OSMR: variants seen among roughly 807,000 people sequenced by gnomAD.
OSMR encodes the protein oncostatin-M-specific receptor subunit beta.
Under a neutral mutation model 99.9 loss-of-function variants are expected in OSMR, and 81 were observed. The ratio of observed to expected loss-of-function variants is 0.81; its 90% CI spans 0.68 to 0.97. OSMR has a LOEUF of 0.97. Among genes scored for constraint, OSMR ranks in the 50% least tolerant of loss-of-function variants. The pLI is 0.00. For synonymous variants in OSMR, 406 were observed against 410.4 expected (o/e 0.99, Z 0.13); for missense variants, 1,099 against 1,153.4 (o/e 0.95, Z 0.68).
chr5:38,853,876 C>A (rs1028631321), intron 1 of OSMR, among the ~76,000 whole-genome samples: 7 of 152,020 alleles, frequency 4.6e-5, no homozygotes, highest in Admixed American at 4.6e-4. Context: ...GTGTGGGGGA[C>A]GGACATGAAA....
intron 2 of OSMR, chr5:38,875,919 T>G (rs928881185): frequency 5.9e-5 from 9 of 152,810 alleles, no homozygotes; most frequent in African/African-American, 1.4e-4. Context: ...CCGGTTAGAT[T>G]GTCCAATAAA....
At chr5:38,885,539 T>A in intron 6 of OSMR, 55 bp downstream of exon 6, 3 of 1,606,116 alleles carry the variant, frequency 1.9e-6, no homozygotes, top group Non-Finnish European at 2.6e-6. Context: ...GAGGTGCTTG[T>A]GACAACATGG....
At chr5:38,940,430 C>G (rs924281651), downstream of OSMR, 19 of 232,546 alleles carry the variant, frequency 8.2e-5, no homozygotes, top group Non-Finnish European at 1.4e-4. Context: ...TCTAGTAACT[C>G]TGACATTTGG....
intron 1 of OSMR, among the ~76,000 whole-genome samples, chr5:38,857,458 C>T (rs199971112): frequency 2.6e-5 from 4 of 151,842 alleles, no homozygotes; most frequent in East Asian, 1.9e-4. Flanking sequence ...AGTTTTCCCC[C>T]GGCTTTAATA....
chr5:38,882,258 C>T (rs1179652590), intron 4 of OSMR, among the ~76,000 whole-genome samples: 1 of 152,122 alleles, frequency 6.6e-6, no homozygotes, highest in East Asian at 1.9e-4. Context: ...ACCAATGAGA[C>T]AGCTTTGTTG....
intron 3 of OSMR, among the ~76,000 whole-genome samples, chr5:38,881,155 A>C (rs1447375151): frequency 1.3e-5 from 2 of 152,210 alleles, no homozygotes; most frequent in Non-Finnish European, 2.9e-5. Context: ...TCCTAATCCA[A>C]ACCTTGCTAA....
In OSMR at chr5:38,917,625, A is replaced by T; in HGVS notation, c.1362+3A>T. ...ATACTGTGACCTTATTCTGGAAGGTAAGATGTGCAGATTCCAAAAGTCTGA... is the reference window on the plus strand; with the variant it reads ...ATACTGTGACCTTATTCTGGAAGGTTAGATGTGCAGATTCCAAAAGTCTGA... On this transcript the variant is annotated splice_donor_region_variant and intron_variant, in intron 10 of 17. Coordinates refer to ENST00000274276, the MANE Select transcript of OSMR (RefSeq NM_003999.3). 6.2e-7 allele frequency: 1 copy of T among 1,607,756 alleles called. No homozygotes were observed. Among genetic ancestry groups the T allele is most frequent in the South Asian group, 1.1e-5 (1 of 90,970 alleles).
At chr5:38,931,829 T>C in intron 15 of OSMR, 54 bp from the exon 16 acceptor site, 3 of 1,585,194 alleles carry the variant, frequency 1.9e-6, no homozygotes, top group Non-Finnish European at 2.6e-6. Flanking sequence ...ATTTATTCCT[T>C]TGAGGAAGGG....
intron 9 of OSMR, among the ~76,000 whole-genome samples, chr5:38,915,764 A>G (rs1232487397): frequency 6.6e-6 from 1 of 152,230 alleles, no homozygotes; most frequent in Non-Finnish European, 1.5e-5. Context: ...GAGACATGCT[A>G]TAGTTGTATT....
downstream of OSMR, chr5:38,945,130 T>C (rs558437549): frequency 1.9e-5 from 21 of 1,132,716 alleles, no homozygotes; most frequent in Middle Eastern, 2.0e-4. Flanking sequence ...TGTGCTTACA[T>C]TGCATGCTAA....
intron 7 of OSMR, among the ~76,000 whole-genome samples, chr5:38,898,404 T>G (rs1449517612): frequency 6.6e-6 from 1 of 152,240 alleles, no homozygotes; most frequent in Non-Finnish European, 1.5e-5. Context: ...TTGTCTGGCA[T>G]AAGTAAAGCT....
chr5:38,942,836 T>C, intron 1 of OSMR: 1 of 1,604,148 alleles, frequency 6.2e-7, no homozygotes, highest in Non-Finnish European at 8.5e-7. Context: ...TACTTACTTG[T>C]AGAAACTGTA....
chr5:38,887,587 T>C (rs1241980888), intron 7 of OSMR, among the ~76,000 whole-genome samples: 1 of 152,216 alleles, frequency 6.6e-6, no homozygotes, highest in Non-Finnish European at 1.5e-5. Flanking sequence ...CACTAACTTT[T>C]AAAGTTTCAG....
intron 9 of OSMR, among the ~76,000 whole-genome samples, chr5:38,909,473 C>A (rs1023674503): frequency 5.3e-5 from 8 of 152,176 alleles, no homozygotes; most frequent in Non-Finnish European, 1.2e-4. Flanking sequence ...ATGTTAAAGG[C>A]AGCTAGGGAG....
intron 15 of OSMR, 96 bp downstream of exon 15, chr5:38,925,467 T>C: frequency 2.8e-6 from 3 of 1,084,550 alleles, no homozygotes; most frequent in Non-Finnish European, 4.3e-6. Context: ...GATCAGGAAT[T>C]TTCAAACCTT....
chr5:38,865,288 A>T (rs1253661230), intron 1 of OSMR, among the ~76,000 whole-genome samples: 1 of 152,144 alleles, frequency 6.6e-6, no homozygotes, highest in Non-Finnish European at 1.5e-5. Flanking sequence ...CTTTGGAGGT[A>T]TCACGTTTCC....
At chr5:38,861,621 A>G (rs890690333) in intron 1 of OSMR, among the ~76,000 whole-genome samples, 3 of 152,182 alleles carry the variant, frequency 2.0e-5, no homozygotes, top group Non-Finnish European at 4.4e-5. Flanking sequence ...CCCGCTCTCA[A>G]TGAGCTGTTG....
chr5:38,896,908 C>T (rs991694387), intron 7 of OSMR, among the ~76,000 whole-genome samples: 2 of 151,784 alleles, frequency 1.3e-5, no homozygotes, highest in Admixed American at 6.6e-5. Flanking sequence ...TTGAAATGAT[C>T]ATATGGGTTT....
chr5:38,904,207 A>AT (rs111373045), intron 8 of OSMR, 146 bp from the exon 9 acceptor site: 8 of 1,525,354 alleles, frequency 5.2e-6, no homozygotes, highest in South Asian at 2.5e-5. Flanking sequence ...GGCCTTGAAG[A>AT]TTTTTTTCCC....
Sources: allele counts gnomAD v4.1 joint callset (sites outside exome capture counted in the v4.1 genomes callset), GRCh38; gene constraint gnomAD v4.1.1; transcripts MANE v1.5; gene names NCBI Gene and HGNC (gene_info 2026-07-23, HGNC 2026-07-21).